Variants in ITPR1 observed in about 807,000 individuals in gnomAD.
The protein encoded by ITPR1 is inositol 1,4,5-trisphosphate-gated calcium channel ITPR1.
Under a neutral mutation model 318.4 loss-of-function variants are expected in ITPR1, and 96 were observed. The observed-to-expected ratio is 0.30, with a 90% CI of 0.26 to 0.36. ITPR1 has a LOEUF of 0.36. ITPR1 is among the 10% of genes least tolerant of loss of function. The pLI is 1.00. For synonymous variants in ITPR1, 1,312 were observed against 1,289.9 expected (o/e 1.02, Z -0.37); for missense variants, 2,440 against 3,460.2 (o/e 0.71, Z 7.40).
chr3:4,670,238 T>C (rs966387267), intron 19 of ITPR1, among the ~76,000 whole-genome samples: 1 of 152,248 alleles, frequency 6.6e-6, no homozygotes, highest in Non-Finnish European at 1.5e-5. Context: ...TCCTGAGAAG[T>C]ACAGTGCCGG....
chr3:4,839,492 G>A (rs934473273), intron 61 of ITPR1, among the ~76,000 whole-genome samples: 1 of 152,112 alleles, frequency 6.6e-6, no homozygotes, highest in African/African-American at 2.4e-5. Context: ...GTGTGTGTGT[G>A]TTTTTATTTG....
intron 61 of ITPR1, among the ~76,000 whole-genome samples, chr3:4,842,751 A>AT (rs891244613): frequency 1.2e-4 from 18 of 152,028 alleles, no homozygotes; most frequent in Admixed American, 3.3e-4. Flanking sequence ...GTTACCATAG[A>AT]TTTTTTTTAC....
chr3:4,775,685 G>T (rs1485607266), intron 47 of ITPR1, among the ~76,000 whole-genome samples: 1 of 152,184 alleles, frequency 6.6e-6, no homozygotes, highest in African/African-American at 2.4e-5. Context: ...GGCTTCATTT[G>T]ATTTGGTTTG....
At chr3:4,511,634 G>A (rs2124905000) in intron 2 of ITPR1, among the ~76,000 whole-genome samples, 1 of 152,302 alleles carries the variant, frequency 6.6e-6, no homozygotes, top group East Asian at 1.9e-4. Context: ...GCTGAGGTAG[G>A]TGCTCTTATT....
chr3:4,522,358 T>C (rs1297304840), intron 4 of ITPR1, among the ~76,000 whole-genome samples: 1 of 152,150 alleles, frequency 6.6e-6, no homozygotes, highest in Non-Finnish European at 1.5e-5. Context: ...TGTTTAGTGG[T>C]TTAGAAACTG....
chr3:4,844,464 A>G (rs1033148423), intron 61 of ITPR1, among the ~76,000 whole-genome samples: 1 of 152,154 alleles, frequency 6.6e-6, no homozygotes, highest in East Asian at 1.9e-4. Flanking sequence ...AACACTTGAG[A>G]TTATCCAAAT....
intron 4 of ITPR1, among the ~76,000 whole-genome samples, chr3:4,546,391 A>C (rs1348164922): frequency 6.6e-6 from 1 of 152,204 alleles, no homozygotes; most frequent in Non-Finnish European, 1.5e-5. Context: ...TTTTCCAGCC[A>C]AAAGAGGATG....
At chr3:4,571,685 A>G (rs574381432) in intron 4 of ITPR1, among the ~76,000 whole-genome samples, 4 of 152,200 alleles carry the variant, frequency 2.6e-5, no homozygotes, top group African/African-American at 9.6e-5. Flanking sequence ...TTAGGCCTTC[A>G]TCAGGGAATA....
chr3:4,571,108 T>C (rs888166428), intron 4 of ITPR1, among the ~76,000 whole-genome samples: 3 of 152,156 alleles, frequency 2.0e-5, no homozygotes, highest in African/African-American at 7.2e-5. Context: ...GTTTGTGTCA[T>C]ATCTGCTGAC....
intron 31 of ITPR1, 76 bp from the exon 32 acceptor site, chr3:4,691,068 T>A: frequency 1.0e-6 from 1 of 997,950 alleles, no homozygotes; most frequent in Non-Finnish European, 1.4e-6. Flanking sequence ...AGTGGACTCT[T>A]CTTTTTCTCA....
chr3:4,838,545 C>A (rs549212454), intron 61 of ITPR1, among the ~76,000 whole-genome samples: 4 of 152,148 alleles, frequency 2.6e-5, no homozygotes, highest in Admixed American at 1.3e-4. Flanking sequence ...AAATTAGGTG[C>A]CAAAAAATCT....
intron 41 of ITPR1, 62 bp from the exon 42 acceptor site, chr3:4,727,064 T>G (rs1442520812): frequency 8.1e-7 from 1 of 1,233,842 alleles, no homozygotes; most frequent in Non-Finnish European, 1.2e-6. Flanking sequence ...ATGTGACTGA[T>G]GCTGCAGATG....
chr3:4,648,007 C>CTGGG (rs2093501535), intron 10 of ITPR1, among the ~76,000 whole-genome samples: 2 of 152,206 alleles, frequency 1.3e-5, no homozygotes, highest in African/African-American at 4.8e-5. Context: ...ACAAAATTAG[C>CTGGG]CAAGCGTGGT....
chr3:4,844,806 C>T (rs1040303902), intron 61 of ITPR1, among the ~76,000 whole-genome samples: 2 of 152,270 alleles, frequency 1.3e-5, no homozygotes, highest in East Asian at 1.9e-4. Flanking sequence ...TAAGTCTTCT[C>T]ATCTAAATTA....
At chr3:4,802,849 G>GAGAA (rs928798989) in intron 54 of ITPR1, among the ~76,000 whole-genome samples, 1 of 148,628 alleles carries the variant, frequency 6.7e-6, no homozygotes, top group Non-Finnish European at 1.5e-5. Flanking sequence ...AAGAAAGAAA[G>GAGAA]AGAAAGAAAG....
At chr3:4,528,662 A>G (rs757918242) in intron 4 of ITPR1, among the ~76,000 whole-genome samples, 2 of 152,126 alleles carry the variant, frequency 1.3e-5, no homozygotes, top group Non-Finnish European at 2.9e-5. Context: ...TAGTAGGGGT[A>G]TAGGACTTAC....
In ITPR1 at chr3:4,653,294, G is replaced by GC. The variant is rs1318066687; in HGVS notation, c.952-542dup. 4.6e-5 allele frequency among the ~76,000 whole-genome samples: 7 copies of GC among 152,250 alleles called. No individual in the cohort carries two copies. In the East Asian group the frequency reaches 7.7e-4, roughly 17 times the overall value. On this transcript the variant is annotated intron_variant, in intron 11 of 61. Coordinates refer to ENST00000649015, the MANE Select transcript of ITPR1 (RefSeq NM_001378452.1). ...GAAGGCTGGCTCTTAAGTGTGCTCA[G>GC]CCCCCCACGGTGCCTAATACATGAA...
At chr3:4,669,168 C>G (rs547135211) in intron 18 of ITPR1, among the ~76,000 whole-genome samples, 1 of 152,226 alleles carries the variant, frequency 6.6e-6, no homozygotes, top group Non-Finnish European at 1.5e-5. Flanking sequence ...ATTTAATCCG[C>G]AGGACAGCCC....
At chr3:4,698,419 C>T (rs1408050340) in intron 34 of ITPR1, among the ~76,000 whole-genome samples, 7 of 152,052 alleles carry the variant, frequency 4.6e-5, no homozygotes, top group Admixed American at 4.6e-4. Context: ...TTTTTAATCC[C>T]ATTAGCCTAG....
Sources: allele counts gnomAD v4.1 joint callset (sites outside exome capture counted in the v4.1 genomes callset), GRCh38; gene constraint gnomAD v4.1.1; transcripts MANE v1.5; gene names NCBI Gene and HGNC (gene_info 2026-07-23, HGNC 2026-07-21).